INPP5D: variants seen among roughly 807,000 people sequenced by gnomAD.
INPP5D encodes the protein inositol polyphosphate-5-phosphatase D.
A neutral mutation model predicts 122.9 loss-of-function variants in INPP5D; 33 were observed. The observed-to-expected ratio is 0.27, with a 90% CI of 0.20 to 0.36. The LOEUF (loss-of-function observed/expected upper bound fraction) is 0.36. Ranked by LOEUF, INPP5D falls within the 10% of genes least tolerant of loss-of-function variation. The probability of loss-of-function intolerance (pLI) is 1.00; values close to 1 mark genes in which losing one functional copy is unlikely to be tolerated. For missense variants in INPP5D, 1,053 were observed against 1,412.7 expected (o/e 0.75, Z 4.08); for synonymous variants, 584 against 576.2 (o/e 1.01, Z -0.19).
rs73998437 is a variant in INPP5D at position 233,064,104 on chromosome 2, A to C, written c.134+3492A>C. ...ACAGGCAAAGCTGATCAAAGGCCCA[A>C]TGTCAGTATATAGGCTGCCCTCTCT... On this transcript the variant is annotated intron_variant, in intron 1 of 26. Transcript: ENST00000445964. Among the ~76,000 whole-genome samples the C allele has an allele frequency of 1.3e-3, 195 of 152,390 alleles. 1 individual carries two copies. Among genetic ancestry groups the C allele is most frequent in the African/African-American group, 4.5e-3 (189 of 41,606 alleles).
chr2:233,171,907 A>G (rs6431237), intron 17 of INPP5D, among the ~76,000 whole-genome samples: 48,299 of 152,170 alleles, frequency 0.32, 9,955 homozygotes, highest in Non-Finnish European at 0.45. Flanking sequence ...CAGGCCCACT[A>G]GAAGCCTAGG....
rs940595818 is a variant in INPP5D at position 233,128,316 on chromosome 2, G to A, written c.525-2192G>A. Among the ~76,000 whole-genome samples the A allele has an allele frequency of 1.3e-5, 2 of 152,176 alleles. No individual in the cohort carries two copies. The highest frequency in any genetic ancestry group is 4.1e-4 in the South Asian group (2 of 4,822). On this transcript the variant is annotated intron_variant, in intron 4 of 26. Transcript: ENST00000445964. The surrounding 1 kb of genome is among the most constrained non-coding windows in gnomAD (Gnocchi z 4.5). ...GGTCCCTTGTGCCAAAAAGGTTGGG[G>A]ACCACTGTTTTTAATACTATAGAAG...
chr2:233,075,113 G>T (rs974348253), intron 1 of INPP5D, among the ~76,000 whole-genome samples: 17 of 152,128 alleles, frequency 1.1e-4, no homozygotes, highest in African/African-American at 3.9e-4. Flanking sequence ...CTCAGCACAG[G>T]GTGGGCACCT....
At chr2:233,195,680 C>T (rs1458883174) in intron 24 of INPP5D, among the ~76,000 whole-genome samples, 185 bp downstream of exon 24, 1 of 152,056 alleles carries the variant, frequency 6.6e-6, no homozygotes, top group Non-Finnish European at 1.5e-5. Flanking sequence ...GACCCTGTCT[C>T]TACAAAAAAA....
At chr2:233,148,107 C>G (rs1016556349) in intron 9 of INPP5D, among the ~76,000 whole-genome samples, 2 of 152,366 alleles carry the variant, frequency 1.3e-5, no homozygotes, top group Middle Eastern at 3.4e-3. Flanking sequence ...ACCATCAAAT[C>G]AACTCATCCA....
intron 24 of INPP5D, among the ~76,000 whole-genome samples, chr2:233,196,633 A>G (rs1045427339): frequency 6.6e-6 from 1 of 152,192 alleles, no homozygotes; most frequent in African/African-American, 2.4e-5. Flanking sequence ...AGAATAGTAC[A>G]GATGTTAAAG....
chr2:233,060,940 T>C (rs949650022), intron 1 of INPP5D, among the ~76,000 whole-genome samples: 2 of 152,116 alleles, frequency 1.3e-5, no homozygotes, highest in African/African-American at 4.8e-5. Context: ...CTCAGGGCTC[T>C]GTGGAGGTGG....
Position 233,198,206 on chromosome 2 carries a change from T to A in INPP5D, c.2805T>A (p.Pro935=), listed in dbSNP as rs375774660. The A allele has an allele frequency of 2.5e-6, 4 of 1,613,556 alleles. No individual in the cohort carries two copies. The African/African-American group carries it at 5.3e-5, about 22-fold the overall frequency. The change falls in exon 25 of 27, where the codon CCT becomes CCA. Residue 935 remains proline (P), a synonymous_variant. Coordinates refer to ENST00000445964, the MANE Select transcript of INPP5D (RefSeq NM_001017915.3). The stretch of plus-strand genomic sequence containing the variant: ...TGCACGTGAAGCAGACCTTGTCCCC[T>A]GACCAGCAGCCCACAGCCTGGAGCT... ...MPLHVKQTLS[P]DQQPTAWSYD...
In INPP5D at chr2:233,198,112, G is replaced by A; in HGVS notation, c.2711G>A (p.Gly904Asp). The A allele has an allele frequency of 1.2e-6, 2 of 1,607,814 alleles. No individual in the cohort carries two copies. Among genetic ancestry groups the A allele is most frequent in the Non-Finnish European group, 1.7e-6 (2 of 1,176,304 alleles). ...CCCTGCAGGGCCCCTCCGTGCAGTG[G>A]CTCCAGCATCACTGAAATCATCAAC... ...EVTSRAPPCS[G>D]SSITEIINPN... The change falls in exon 25 of 27, where the codon GGC becomes GAC. Residue 904 changes from glycine (G) to aspartate (D), a missense_variant. Gly to Asp is a moderately conservative substitution (Grantham distance 94, BLOSUM62 -1). This residue lies in a region of INPP5D where 417 missense variants were observed against 425.8 expected (regional missense o/e 0.98). Transcript: ENST00000445964.
intron 2 of INPP5D, among the ~76,000 whole-genome samples, chr2:233,110,230 T>C (rs1024412764): frequency 2.6e-5 from 4 of 152,014 alleles, no homozygotes; most frequent in Non-Finnish European, 5.9e-5. Context: ...TTTTTTTGTA[T>C]TTGTAGTAGA....
chr2:233,079,438 A>C (rs1691612503), intron 2 of INPP5D, 40 bp downstream of exon 2: 1 of 1,236,698 alleles, frequency 8.1e-7, no homozygotes, highest in African/African-American at 1.5e-5. Context: ...ACCTGACTTC[A>C]GCCGATACTG....
chr2:233,178,459 A>ATTATTTATTTATTTATTTAT (rs58617952), intron 18 of INPP5D, among the ~76,000 whole-genome samples: 6 of 145,412 alleles, frequency 4.1e-5, no homozygotes, highest in African/African-American at 1.0e-4. Context: ...GTGGTATTTT[A>ATTATTTATTTATTTATTTAT]TTATTTATTT....
intron 9 of INPP5D, among the ~76,000 whole-genome samples, chr2:233,155,810 C>T (rs532244480): frequency 6.6e-6 from 1 of 152,132 alleles, no homozygotes; most frequent in South Asian, 2.1e-4. Flanking sequence ...GCCAAGTGCT[C>T]ACACAACACA....
intron 1 of INPP5D, among the ~76,000 whole-genome samples, chr2:233,062,330 G>A (rs567612504): frequency 3.3e-5 from 5 of 152,316 alleles, no homozygotes; most frequent in African/African-American, 9.6e-5. Context: ...ACTCCGAGCC[G>A]TGAGCATCTT....
intron 1 of INPP5D, among the ~76,000 whole-genome samples, chr2:233,066,773 A>T (rs1691240500): frequency 1.4e-5 from 2 of 143,510 alleles, no homozygotes; most frequent in African/African-American, 5.1e-5. Flanking sequence ...TGCCCGGCTA[A>T]TTTTTTTTTT....
At position 233,184,419 on chromosome 2, in the gene INPP5D, G is replaced by A. The variant is rs578162299; in HGVS notation, c.2173G>A (p.Val725Ile). ...CTCCCCTGTTCCAGGTCCCGGGACT[G>A]TTGACAGCCAAGGACAGATTGAGTT... ...QFVSKNGPGT[V>I]DSQGQIEFLR... The change falls in exon 20 of 27, where the codon GTT (valine) becomes ATT (isoleucine). Residue 725 changes from valine to isoleucine, a missense_variant. By Grantham distance (29) the Val-to-Ile change is conservative (BLOSUM62 3). Coordinates refer to ENST00000445964, the MANE Select transcript of INPP5D (RefSeq NM_001017915.3). 12 of 1,614,014 alleles carry A rather than the reference G, an allele frequency of 7.4e-6. No individual in the cohort carries two copies. The South Asian group carries it at 1.3e-4, about 18-fold the overall frequency.
chr2:233,137,985 G>GTATTAATAATGTAATGAGATTATATTA (rs138096706), intron 5 of INPP5D, among the ~76,000 whole-genome samples: 55,249 of 111,052 alleles, frequency 0.5, 14,681 homozygotes, highest in Middle Eastern at 0.57. Flanking sequence ...AGATTATATT[G>GTATTAATAATGTAATGAGATTATATTA]TATTAATAAT....
intron 2 of INPP5D, 96 bp downstream of exon 2, chr2:233,079,494 T>G: frequency 1.2e-6 from 1 of 821,974 alleles, no homozygotes; most frequent in Non-Finnish European, 2.1e-6. Context: ...CACGCGCAGG[T>G]AGCCGGACGT....
intron 9 of INPP5D, among the ~76,000 whole-genome samples, chr2:233,154,346 A>C (rs935264569): frequency 2.0e-5 from 3 of 152,134 alleles, no homozygotes; most frequent in African/African-American, 7.2e-5. Context: ...ATGAGGTTTC[A>C]CCATGCTGGC....
Sources: gnomAD v4.1 joint callset for allele counts (sites outside exome capture counted in the v4.1 genomes callset) on GRCh38, gnomAD v4.1.1 for gene constraint, gnomAD v4.1.1 regional missense constraint, Gnocchi (gnomAD v3.1) non-coding constraint, MANE v1.5 for transcripts, NCBI Gene and HGNC (gene_info 2026-07-23, HGNC 2026-07-21) for gene names.